CCDC102B: variants seen among roughly 807,000 people sequenced by gnomAD.
CCDC102B encodes coiled-coil domain containing 102B, also known as coiled-coil domain-containing protein 102B.
Under a neutral mutation model 57.4 loss-of-function variants are expected in CCDC102B, and 75 were observed. That is an observed-to-expected ratio of 1.31 (90% CI 1.08 to 1.58). The LOEUF is 1.58. CCDC102B is among the 40% of genes most tolerant of loss of function. The pLI is 0.00. For synonymous variants in CCDC102B, 206 were observed against 201.9 expected, an observed-to-expected ratio of 1.02 and a Z score of -0.17; for missense variants, 636 against 582.6, an observed-to-expected ratio of 1.09 and a Z score of -0.94.
At position 68,974,157 on chromosome 18, in the gene CCDC102B, T is replaced by C. The variant is rs923979183; in HGVS notation, c.1264-36777T>C. On this transcript the variant is annotated intron_variant, in intron 6 of 7. Transcript: ENST00000360242. The stretch of plus-strand genomic sequence containing the variant: ...AAACTTAATCCCTAATGCAGCAGTA[T>C]TGGGAGCCTTATGGGAGCTATTCAG... Among the ~76,000 whole-genome samples, 6 of 152,216 alleles carry C rather than the reference T, an allele frequency of 3.9e-5. No individual in the cohort carries two copies. The East Asian group carries it at 7.7e-4, about 20-fold the overall frequency.
At chr18:68,753,924 T>G (rs575272516) in intron 2 of CCDC102B, 24 of 152,122 alleles carry the variant, frequency 1.6e-4, no homozygotes, top group Admixed American at 1.2e-3. Context: ...AAACATGGAG[T>G]GACTTTTTTT....
chr18:69,048,969 G>A (rs74385730), intron 7 of CCDC102B, among the ~76,000 whole-genome samples: 2,079 of 151,124 alleles, frequency 0.014, 34 homozygotes, highest in East Asian at 0.08. Context: ...GTAAATATTA[G>A]GTAAAAATGT....
At chr18:68,914,500 T>A (rs1425729550) in intron 6 of CCDC102B, among the ~76,000 whole-genome samples, 1 of 152,168 alleles carries the variant, frequency 6.6e-6, no homozygotes, top group Non-Finnish European at 1.5e-5. Flanking sequence ...AAGCATGCAA[T>A]CATCCTGTGG....
intron 7 of CCDC102B, 137 bp downstream of exon 7, chr18:69,011,241 A>G: frequency 6.4e-6 from 5 of 782,656 alleles, no homozygotes; most frequent in Non-Finnish European, 9.9e-6. Flanking sequence ...AAATCAATTT[A>G]AAAAGAGTAA....
intron 6 of CCDC102B, among the ~76,000 whole-genome samples, chr18:68,967,066 C>T (rs894044316): frequency 1.3e-5 from 2 of 152,130 alleles, no homozygotes; most frequent in Non-Finnish European, 2.9e-5. Flanking sequence ...CTGTTAACAC[C>T]TCCTAGAGTT....
At chr18:69,034,401 G>A (rs1599877370) in intron 7 of CCDC102B, among the ~76,000 whole-genome samples, 1 of 152,012 alleles carries the variant, frequency 6.6e-6, no homozygotes, top group African/African-American at 2.4e-5. Context: ...GGTATAAAGT[G>A]CAGGTTCAAC....
At chr18:68,895,003 A>C (rs1599648209) in intron 5 of CCDC102B, among the ~76,000 whole-genome samples, 2 of 151,920 alleles carry the variant, frequency 1.3e-5, no homozygotes, top group Admixed American at 1.3e-4. Context: ...CTTGCCCAAA[A>C]ATACATTTGC....
At chr18:68,809,223 C>G (rs895308863) in intron 1 of CCDC102B, among the ~76,000 whole-genome samples, 8 of 152,140 alleles carry the variant, frequency 5.3e-5, no homozygotes, top group Non-Finnish European at 1.2e-4. Flanking sequence ...TGGGTGAAAG[C>G]AGCTGGCTTT....
chr18:68,911,741 G>C (rs1274099707), intron 6 of CCDC102B, among the ~76,000 whole-genome samples: 1 of 43,464 alleles, frequency 2.3e-5, no homozygotes, highest in Non-Finnish European at 4.4e-5. Flanking sequence ...GACAGAGCGA[G>C]ACTCCGTCTC....
At chr18:69,052,666 C>A (rs1054350048) in intron 7 of CCDC102B, among the ~76,000 whole-genome samples, 2 of 151,820 alleles carry the variant, frequency 1.3e-5, no homozygotes, top group Non-Finnish European at 2.9e-5. Flanking sequence ...GGACCACTAC[C>A]TTGTATGCAT....
In CCDC102B at chr18:68,846,391, G is replaced by C; in HGVS notation, c.906G>C (p.Leu302=). The C allele has an allele frequency of 6.3e-7, 1 of 1,586,958 alleles. No homozygotes were observed. Among genetic ancestry groups the C allele is most frequent in the Non-Finnish European group, 8.6e-7 (1 of 1,168,898 alleles). ...LSLWKWKYEE[L]KESKPKNVKE... is the part of the protein sequence containing the mutation. The stretch of plus-strand genomic sequence containing the variant: ...TGTGGAAGTGGAAGTATGAAGAACT[G>C]AAAGAATCAAAGCCAAAAAATGTGA... Residue 302 remains leucine (L), a synonymous_variant, in exon 4 of 8, where the codon CTG becomes CTC. Transcript: ENST00000360242.
chr18:69,025,969 G>C (rs2051977689), intron 7 of CCDC102B, among the ~76,000 whole-genome samples: 1 of 152,130 alleles, frequency 6.6e-6, no homozygotes, highest in African/African-American at 2.4e-5. Context: ...GTGCCTATGT[G>C]AGTGTGCTAA....
At chr18:68,935,818 G>A (rs1364808737) in intron 6 of CCDC102B, among the ~76,000 whole-genome samples, 1 of 151,848 alleles carries the variant, frequency 6.6e-6, no homozygotes, top group Non-Finnish European at 1.5e-5. Flanking sequence ...GCTGAAGGAA[G>A]GAGGGAAGGG....
intron 2 of CCDC102B, among the ~76,000 whole-genome samples, chr18:68,721,868 C>A (rs576470473): frequency 6.6e-6 from 1 of 152,152 alleles, no homozygotes. Flanking sequence ...TCTGAAGTTG[C>A]GTTTCATCCT....
chr18:68,943,346 G>A (rs2049440196), intron 6 of CCDC102B, among the ~76,000 whole-genome samples: 1 of 152,044 alleles, frequency 6.6e-6, no homozygotes, highest in Non-Finnish European at 1.5e-5. Flanking sequence ...GGCAGATATT[G>A]TTCATATCTT....
chr18:68,959,393 G>T (rs1174097137), intron 6 of CCDC102B, among the ~76,000 whole-genome samples: 5 of 152,112 alleles, frequency 3.3e-5, no homozygotes, highest in Non-Finnish European at 5.9e-5. Flanking sequence ...TGGAGCTGCA[G>T]GTGGGGTAAC....
intron 6 of CCDC102B, among the ~76,000 whole-genome samples, chr18:68,944,399 C>A (rs1312153167): frequency 6.6e-6 from 1 of 152,112 alleles, no homozygotes; most frequent in African/African-American, 2.4e-5. Context: ...AAATATATTT[C>A]TCACGTTTCC....
chr18:68,761,315 T>C (rs1293226790), intron 2 of CCDC102B, among the ~76,000 whole-genome samples: 1 of 152,110 alleles, frequency 6.6e-6, no homozygotes, highest in Non-Finnish European at 1.5e-5. Flanking sequence ...GTAGTACTTC[T>C]TTGAAATCTG....
intron 5 of CCDC102B, among the ~76,000 whole-genome samples, chr18:68,878,469 C>A (rs2039539579): frequency 1.3e-5 from 2 of 152,108 alleles, no homozygotes; most frequent in Non-Finnish European, 2.9e-5. Context: ...GTGTGTTCCC[C>A]AAATTTATAT....
Sources: gnomAD v4.1 joint callset for allele counts (sites outside exome capture counted in the v4.1 genomes callset) on GRCh38, gnomAD v4.1.1 for gene constraint, MANE v1.5 for transcripts, NCBI Gene and HGNC (gene_info 2026-07-23, HGNC 2026-07-21) for gene names.